The following LARGE1 variants were observed in gnomAD, a reference collection of about 807,000 sequenced individuals.
The protein encoded by LARGE1 is LARGE xylosyl- and glucuronyltransferase 1.
LARGE1 carries 43 observed loss-of-function variants against 87.6 expected under a neutral mutation model. That is an observed-to-expected ratio of 0.49 (90% CI 0.38 to 0.63). The LOEUF is 0.63. LARGE1 is among the 30% of genes least tolerant of loss of function. The pLI is 0.00. For missense variants in LARGE1, 802 were observed against 1,000.2 expected, an observed-to-expected ratio of 0.80 and a Z score of 2.67; for synonymous variants, 434 against 394.6, an observed-to-expected ratio of 1.10 and a Z score of -1.18.
intron 6 of LARGE1, among the ~76,000 whole-genome samples, chr22:33,517,240 A>G (rs1197487049): frequency 6.6e-6 from 1 of 152,086 alleles, no homozygotes; most frequent in Non-Finnish European, 1.5e-5. Context: ...AAAAATTGGA[A>G]AGTGGCTACA....
the LARGE1 span, among the ~76,000 whole-genome samples, chr22:33,095,979 T>C: frequency 1.2e-4 from 19 of 152,204 alleles, no homozygotes; most frequent in African/African-American, 1.7e-4. Context: ...CCTAGGATCA[T>C]TGGATCCTGC....
At chr22:33,778,053 G>T (rs1235206525) in intron 1 of LARGE1, among the ~76,000 whole-genome samples, 3 of 152,174 alleles carry the variant, frequency 2.0e-5, no homozygotes, top group African/African-American at 7.2e-5. Flanking sequence ...GTTATGAGGT[G>T]CAATGAAAGG....
At chr22:33,554,721 A>G (rs1252262444) in intron 6 of LARGE1, among the ~76,000 whole-genome samples, 2 of 152,188 alleles carry the variant, frequency 1.3e-5, no homozygotes, top group Non-Finnish European at 2.9e-5. Flanking sequence ...CATCAGCCAA[A>G]GGGATCTTTT....
the LARGE1 span, among the ~76,000 whole-genome samples, chr22:33,075,377 T>A: frequency 6.6e-6 from 1 of 152,228 alleles, no homozygotes; most frequent in African/African-American, 2.4e-5. Flanking sequence ...CTTAATTTGT[T>A]TTATCAAAAA....
intron 2 of LARGE1, among the ~76,000 whole-genome samples, chr22:33,710,224 A>C (rs1474783279): frequency 6.6e-6 from 1 of 152,232 alleles, no homozygotes; most frequent in African/African-American, 2.4e-5. Context: ...AGAATGCAGA[A>C]TAATGTAATA....
At chr22:33,621,587 G>A (rs974696306) in intron 4 of LARGE1, among the ~76,000 whole-genome samples, 1 of 152,168 alleles carries the variant, frequency 6.6e-6, no homozygotes, top group African/African-American at 2.4e-5. Context: ...ATTAACATTA[G>A]TAAGGTACTT....
chr22:33,242,658 T>A (rs140065748), intron 11 of LARGE1, among the ~76,000 whole-genome samples: 1 of 152,304 alleles, frequency 6.6e-6, no homozygotes, highest in African/African-American at 2.4e-5. Context: ...ATTAACATAG[T>A]TGAGTTGAGC....
intron 1 of LARGE1, among the ~76,000 whole-genome samples, chr22:33,856,133 C>G (rs1057060142): frequency 1.3e-5 from 2 of 152,164 alleles, no homozygotes; most frequent in Admixed American, 1.3e-4. Flanking sequence ...CAGAAGAGAG[C>G]TGTCCAAGAA....
At chr22:33,907,407 A>G (rs2065485850) in intron 1 of LARGE1, among the ~76,000 whole-genome samples, 1 of 152,140 alleles carries the variant, frequency 6.6e-6, no homozygotes, top group Non-Finnish European at 1.5e-5. Flanking sequence ...AGTCCCCATC[A>G]CCGTCTGATA....
At chr22:33,464,405 A>C (rs892904585) in intron 6 of LARGE1, among the ~76,000 whole-genome samples, 2 of 152,152 alleles carry the variant, frequency 1.3e-5, no homozygotes, top group Non-Finnish European at 2.9e-5. Flanking sequence ...GCAGAACTTC[A>C]GCACATCATA....
intron 3 of LARGE1, among the ~76,000 whole-genome samples, chr22:33,644,371 C>T (rs985905761): frequency 3.3e-5 from 5 of 152,136 alleles, no homozygotes; most frequent in African/African-American, 9.7e-5. Context: ...CCTCTTCATG[C>T]TAAAAACACT....
At chr22:33,087,848 T>C in the LARGE1 span, among the ~76,000 whole-genome samples, 1 of 152,128 alleles carries the variant, frequency 6.6e-6, no homozygotes, top group Non-Finnish European at 1.5e-5. Flanking sequence ...GGCAGGAGAA[T>C]CCCTTGAATC....
intron 7 of LARGE1, among the ~76,000 whole-genome samples, chr22:33,411,459 C>T (rs2066301847): frequency 6.6e-6 from 1 of 152,164 alleles, no homozygotes; most frequent in African/African-American, 2.4e-5. Context: ...GTGCCTAACA[C>T]AGAAAACAAA....
intron 6 of LARGE1, among the ~76,000 whole-genome samples, chr22:33,544,383 T>C (rs1446476669): frequency 1.3e-5 from 2 of 152,056 alleles, no homozygotes; most frequent in Admixed American, 6.6e-5. Context: ...GTTTAGCAAA[T>C]AGAGTGGAAA....
chr22:33,187,919 C>A (rs1308235722), intron 11 of LARGE1, among the ~76,000 whole-genome samples: 1 of 40,976 alleles, frequency 2.4e-5, no homozygotes, highest in African/African-American at 7.7e-5. Flanking sequence ...GAGACTCCGT[C>A]TCAAAAAAAA....
At chr22:33,087,169 T>C in the LARGE1 span, among the ~76,000 whole-genome samples, 1 of 152,032 alleles carries the variant, frequency 6.6e-6, no homozygotes, top group Non-Finnish European at 1.5e-5. Flanking sequence ...TCTTCCACTC[T>C]CTTATTTTTT....
chr22:33,711,328 G>A (rs537892535), intron 2 of LARGE1, among the ~76,000 whole-genome samples: 1 of 152,202 alleles, frequency 6.6e-6, no homozygotes, highest in African/African-American at 2.4e-5. Flanking sequence ...GAATGGATTG[G>A]TCTCTTTCAA....
chr22:33,128,630 T>C, the LARGE1 span, among the ~76,000 whole-genome samples: 352 of 146,056 alleles, frequency 2.4e-3, no homozygotes, highest in African/African-American at 8.5e-3. Flanking sequence ...GCCGAGATTA[T>C]GCCATTGCAC....
intron 2 of LARGE1, among the ~76,000 whole-genome samples, chr22:33,663,203 G>A (rs943059550): frequency 4.6e-5 from 7 of 152,218 alleles, no homozygotes; most frequent in South Asian, 2.1e-4. Context: ...CAGAAATAAC[G>A]CTTTATTGGG....
Sources: gnomAD v4.1 joint callset for allele counts (sites outside exome capture counted in the v4.1 genomes callset) on GRCh38, gnomAD v4.1.1 for gene constraint, MANE v1.5 for transcripts, NCBI Gene and HGNC (gene_info 2026-07-23, HGNC 2026-07-21) for gene names.